The following STK25 variants were observed in gnomAD, a reference collection of about 807,000 sequenced individuals.
STK25 encodes the protein serine/threonine kinase 25.
Under a neutral mutation model 53.8 loss-of-function variants are expected in STK25, and 29 were observed. The observed-to-expected ratio is 0.54, with a 90% CI of 0.40 to 0.74. The LOEUF (loss-of-function observed/expected upper bound fraction) is 0.74, where lower values mean the gene tolerates loss of function less well. Ranked by LOEUF, STK25 falls within the 30% of genes least tolerant of loss-of-function variation. The probability of loss-of-function intolerance (pLI) is 0.00; values close to 1 mark genes in which losing one functional copy is unlikely to be tolerated. For missense variants in STK25, 420 were observed against 568.0 expected (o/e 0.74, Z 2.65); for synonymous variants, 247 against 238.3 (o/e 1.04, Z -0.33).
chr2:241,497,993 C>T (rs971839757), intron 9 of STK25, among the ~76,000 whole-genome samples: 3 of 141,852 alleles, frequency 2.1e-5, no homozygotes, highest in South Asian at 2.2e-4. Flanking sequence ...CTCTGAGGGC[C>T]TGTGACTCCC....
At chr2:241,504,944 T>C (rs1481202931) in intron 2 of STK25, among the ~76,000 whole-genome samples, 1 of 145,432 alleles carries the variant, frequency 6.9e-6, no homozygotes, top group Non-Finnish European at 1.5e-5. Flanking sequence ...TGAGATAGAG[T>C]CTCACTCTGT....
At chr2:241,508,266 C>T in intron 1 of STK25, 131 bp from the exon 2 acceptor site, 1 of 1,297,526 alleles carries the variant, frequency 7.7e-7, no homozygotes. Context: ...CACGCCCGGG[C>T]CTAACGCCCA....
At chr2:241,503,653 T>C (rs1219433682) in intron 2 of STK25, among the ~76,000 whole-genome samples, 18 of 140,734 alleles carry the variant, frequency 1.3e-4, no homozygotes, top group Non-Finnish European at 2.0e-4. Flanking sequence ...GCGGAGATCG[T>C]GCCACTGCAC....
rs1324287031 is a variant in STK25, at chr2:241,499,278, C to T, written c.564G>A (p.Lys188=). The change falls in exon 6 of 12, where the codon AAG becomes AAA. Residue 188 remains lysine, a synonymous_variant. Coordinates refer to ENST00000316586, the MANE Select transcript of STK25 (RefSeq NM_001271977.2). ...CCACCTTGAAGTCGTAGGCCGACTG[C>T]TTGATGACCTCAGGTGCCATCCAGA... ...TPFWMAPEVI[K]QSAYDFKADI... The T allele has an allele frequency of 1.2e-6, 2 of 1,613,954 alleles. No individual in the cohort carries two copies. The highest frequency in any genetic ancestry group is 2.7e-5 in the African/African-American group (2 of 74,918).
chr2:241,498,593 A>C, intron 8 of STK25, 46 bp downstream of exon 8: 1 of 1,578,028 alleles, frequency 6.3e-7, no homozygotes, highest in Non-Finnish European at 8.6e-7. Context: ...GGGACCACCC[A>C]CGTCACAGCA....
In STK25 at chr2:241,501,597, T is replaced by C; in HGVS notation, c.142A>G (p.Ile48Val). The C allele has an allele frequency of 6.2e-7, 1 of 1,614,134 alleles. No individual in the cohort carries two copies. Among genetic ancestry groups the C allele is most frequent in the Non-Finnish European group, 8.5e-7 (1 of 1,180,024 alleles). ...GCCTCCTCCAGGTCGATGATCTTGA[T>C]GGCCACCACCTCCTTTGTGTGGTTA... ...IDNHTKEVVA[I>V]KIIDLEEAED... is the part of the protein sequence containing the mutation. Residue 48 changes from isoleucine (I) to valine (V), a missense_variant, in exon 3 of 12, where the codon ATC becomes GTC. By Grantham distance (29) the Ile-to-Val change is conservative (BLOSUM62 3). Transcript: ENST00000316586. The surrounding 1 kb of genome is among the most constrained non-coding windows in gnomAD (Gnocchi z 5.3).
Position 241,498,722 on chromosome 2 carries a change from G to A in STK25, c.834C>T (p.Ser278=), listed in dbSNP as rs748371955. The change falls in exon 8 of 12, where the codon TCC becomes TCT. Residue 278 remains serine (S), a synonymous_variant. Coordinates refer to ENST00000316586, the MANE Select transcript of STK25 (RefSeq NM_001271977.2). ...AGCGGTCGATGAGCTCCGTGAGGAA[G>A]GAGGTCTTCTTGGTGTAGCGTGTGA... The part of the protein sequence containing the change: ...KFITRYTKKT[S]FLTELIDRYK... 22 of 1,614,152 alleles carry A rather than the reference G, an allele frequency of 1.4e-5. No homozygotes were observed. The highest frequency in any genetic ancestry group is 1.7e-5 in the Non-Finnish European group (20 of 1,180,036).
chr2:241,500,432 G>C, intron 4 of STK25, 151 bp from the exon 5 acceptor site: 2 of 635,098 alleles, frequency 3.1e-6, no homozygotes, highest in Non-Finnish European at 2.8e-6. Flanking sequence ...GTTTCAGATG[G>C]GAGTGGGGTG....
intron 1 of STK25, 78 bp from the exon 2 acceptor site, chr2:241,508,213 T>TGGG: frequency 7.8e-7 from 1 of 1,286,284 alleles, no homozygotes; most frequent in African/African-American, 1.7e-5. Context: ...GCTCCATGGG[T>TGGG]GGGGGGGGGC....
At chr2:241,508,712 C>A, upstream of STK25, 1 of 984,992 alleles carries the variant, frequency 1.0e-6, no homozygotes, top group Non-Finnish European at 1.2e-6. Flanking sequence ...CGGCAGGCTG[C>A]GCGAGAGGGG....
chr2:241,492,694 T>C lies in STK25; in HGVS notation c.*2968A>G. The C allele has an allele frequency of 4.1e-6, 2 of 483,586 alleles. No individual in the cohort carries two copies. The highest frequency in any genetic ancestry group is 7.4e-6 in the Non-Finnish European group (2 of 270,556). The allele number at this position is 483,586 out of a possible 1,614,324, so 30.0% of individuals were successfully genotyped here. A position where few individuals can be genotyped will look rare whatever the true frequency, so the allele number is the denominator to read the frequency against. The stretch of plus-strand genomic sequence containing the variant: ...GTTGGTTACTGAACACTGACTTTAT[T>C]GTGCACAGGGAAAGGGAACTCACTT... On this transcript the variant is annotated 3_prime_UTR_variant, in exon 12 of 12. Coordinates refer to ENST00000316586, the MANE Select transcript of STK25 (RefSeq NM_001271977.2).
chr2:241,501,382 C>T lies in STK25; in HGVS notation c.261+96G>A, dbSNP rs1002352369. 3 of 1,291,352 alleles carry T rather than the reference C, an allele frequency of 2.3e-6. No homozygotes were observed. Among genetic ancestry groups the T allele is most frequent in the East Asian group, 2.5e-5 (1 of 40,112 alleles). The allele number at this position is 1,291,352 out of a possible 1,614,324, so 80.0% of individuals were successfully genotyped here. A position where few individuals can be genotyped will look rare whatever the true frequency, so the allele number is the denominator to read the frequency against. ...GAGGGCATGCACTGAACCGTCAAGA[C>T]CGCCTTGCACCCTCTGGCATGTCAC... is the stretch of plus-strand genomic sequence containing the variant. On this transcript the variant is annotated intron_variant, in intron 3 of 11. Coordinates refer to ENST00000316586, the MANE Select transcript of STK25 (RefSeq NM_001271977.2). The surrounding 1 kb of genome is among the most constrained non-coding windows in gnomAD (Gnocchi z 5.3).
Position 241,495,635 on chromosome 2 carries a change from C to T in STK25, c.*27G>A, listed in dbSNP as rs751109807. 144 of 1,613,716 alleles carry T rather than the reference C, an allele frequency of 8.9e-5. 1 individual carries two copies. In the Admixed American group the frequency reaches 1.1e-3, roughly 13 times the overall value. ...CTCAGAACAAAAACAAACGACCTTCCGTCCCCTATCTGAACAGCAGTGCGC... is the reference window on the plus strand; with the variant it reads ...CTCAGAACAAAAACAAACGACCTTCTGTCCCCTATCTGAACAGCAGTGCGC... On this transcript the variant is annotated 3_prime_UTR_variant, in exon 12 of 12. Transcript: ENST00000316586.
Position 241,492,882 on chromosome 2 carries a change from G to A in STK25, c.*2780C>T, listed in dbSNP as rs755595137. 7 of 1,100,076 alleles carry A rather than the reference G, an allele frequency of 6.4e-6. No individual in the cohort carries two copies. In the Middle Eastern group the frequency reaches 6.0e-4, roughly 94 times the overall value. 68.1% of individuals were successfully genotyped at this position (1,100,076 alleles called of 1,614,324 possible). A position where few individuals can be genotyped will look rare whatever the true frequency, so the allele number is the denominator to read the frequency against. ...GGGGAGCAAACCCACTCCCACAAGG[G>A]GTCCTGGGTGCTGGTTAATGCACCT... is the stretch of plus-strand genomic sequence containing the variant. On this transcript the variant is annotated 3_prime_UTR_variant, in exon 12 of 12. Transcript: ENST00000316586.
Position 241,495,756 on chromosome 2 carries a change from G to A in STK25, c.1242-55C>T, listed in dbSNP as rs2065112811. The A allele has an allele frequency of 2.5e-6, 4 of 1,606,006 alleles. No homozygotes were observed. The South Asian group carries it at 3.3e-5, about 13-fold the overall frequency. ...CGTGCACCTCTGTGCCCAGGCTCCTGACGGCCTCTTGGGTGTGCAGTCTGC... is the reference window on the plus strand; with the variant it reads ...CGTGCACCTCTGTGCCCAGGCTCCTAACGGCCTCTTGGGTGTGCAGTCTGC... On this transcript the variant is annotated intron_variant, in intron 11 of 11. Coordinates refer to ENST00000316586, the MANE Select transcript of STK25 (RefSeq NM_001271977.2).
In STK25 at chr2:241,502,655, C is replaced by T. The variant is rs535517009; in HGVS notation, c.31-947G>A. Among the ~76,000 whole-genome samples, 46 of 152,126 alleles carry T rather than the reference C, an allele frequency of 3.0e-4. No homozygotes were observed. The South Asian group carries it at 8.9e-3, about 30-fold the overall frequency. ...TTGAGAGTCCAAGACAGAAGAATCA[C>T]TTGAATCAGGGAAGCGGAGGTTGCG... On this transcript the variant is annotated intron_variant, in intron 2 of 11. Coordinates refer to ENST00000316586, the MANE Select transcript of STK25 (RefSeq NM_001271977.2).
At chr2:241,495,840 G>A (rs2065118823) in intron 11 of STK25, 139 bp from the exon 12 acceptor site, 3 of 824,508 alleles carry the variant, frequency 3.6e-6, no homozygotes, top group East Asian at 5.2e-5. Context: ...CCAATGCACA[G>A]GGTCTCAGGA....
At chr2:241,507,897 C>T in intron 2 of STK25, 109 bp downstream of exon 2, 2 of 1,170,920 alleles carry the variant, frequency 1.7e-6, no homozygotes, top group Non-Finnish European at 2.4e-6. Flanking sequence ...CGCGCTCCTT[C>T]CCTCACCCCA....
intron 2 of STK25, among the ~76,000 whole-genome samples, chr2:241,504,415 G>A (rs1239720737): frequency 2.0e-5 from 3 of 152,180 alleles, no homozygotes; most frequent in Non-Finnish European, 2.9e-5. Context: ...CAAGAAACTC[G>A]GCAGGATAGA....
Sources: allele counts gnomAD v4.1 joint callset (sites outside exome capture counted in the v4.1 genomes callset), GRCh38; gene constraint gnomAD v4.1.1; non-coding constraint Gnocchi (gnomAD v3.1); transcripts MANE v1.5; gene names NCBI Gene and HGNC (gene_info 2026-07-23, HGNC 2026-07-21).